The following KCNU1 variants were observed in gnomAD, a reference collection of about 807,000 sequenced individuals.
KCNU1 encodes potassium calcium-activated channel subfamily U member 1.
KCNU1 carries 93 observed loss-of-function variants against 126.8 expected under a neutral mutation model. The observed-to-expected ratio is 0.73, with a 90% CI of 0.62 to 0.87. The LOEUF is 0.87. KCNU1 is among the 40% of genes least tolerant of loss of function. The pLI is 0.00. For missense variants in KCNU1, 1,330 were observed against 1,367.1 expected (o/e 0.97, Z 0.43); for synonymous variants, 523 against 494.2 (o/e 1.06, Z -0.77).
chr8:36,884,879 G>T (rs1249289569), intron 19 of KCNU1, among the ~76,000 whole-genome samples: 2 of 152,170 alleles, frequency 1.3e-5, no homozygotes, highest in African/African-American at 4.8e-5. Flanking sequence ...TTTAACTCTG[G>T]CTTGTAAAGA....
intron 7 of KCNU1, among the ~76,000 whole-genome samples, chr8:36,811,622 G>C (rs1803715496): frequency 6.6e-6 from 1 of 152,128 alleles, no homozygotes; most frequent in South Asian, 2.1e-4. Context: ...TCAAGAATGG[G>C]GAAGCCATGG....
intron 18 of KCNU1, among the ~76,000 whole-genome samples, chr8:36,854,288 T>C (rs1463879835): frequency 6.6e-6 from 1 of 152,148 alleles, no homozygotes; most frequent in Non-Finnish European, 1.5e-5. Context: ...TTATTGGCCA[T>C]TATTTCTCAA....
chr8:36,793,793 C>T (rs532328945), intron 2 of KCNU1, among the ~76,000 whole-genome samples: 2 of 152,204 alleles, frequency 1.3e-5, no homozygotes, highest in East Asian at 1.9e-4. Context: ...TAGTGGCTCA[C>T]GCCTGTAATC....
intron 19 of KCNU1, among the ~76,000 whole-genome samples, chr8:36,885,945 G>T (rs1323843458): frequency 6.6e-6 from 1 of 152,184 alleles, no homozygotes; most frequent in African/African-American, 2.4e-5. Context: ...AAGAAGAAAG[G>T]AGAAACATGG....
Position 36,870,576 on chromosome 8 carries a change from G to T in KCNU1, c.2009+6055G>T, listed in dbSNP as rs118140371. Reference sequence around the variant, plus strand: ...GTCCACCTAGTGGGGGCAGAAGATCGGATACAAATCACCGTACATGGCTCT... The same window carrying T: ...GTCCACCTAGTGGGGGCAGAAGATCTGATACAAATCACCGTACATGGCTCT... On this transcript the variant is annotated intron_variant, in intron 19 of 26. Transcript: ENST00000399881. Among the ~76,000 whole-genome samples, 207 of 152,202 alleles carry T rather than the reference G, an allele frequency of 1.4e-3. 4 individuals are homozygous for T. In the East Asian group the frequency reaches 0.038, roughly 28 times the overall value.
At chr8:36,826,831 C>A (rs999119760) in intron 10 of KCNU1, among the ~76,000 whole-genome samples, 4 of 152,086 alleles carry the variant, frequency 2.6e-5, no homozygotes, top group African/African-American at 9.7e-5. Flanking sequence ...CAGGTATTAA[C>A]CCCAGTACCC....
chr8:36,792,581 C>T (rs1004378180), intron 2 of KCNU1, among the ~76,000 whole-genome samples: 1 of 152,130 alleles, frequency 6.6e-6, no homozygotes, highest in Non-Finnish European at 1.5e-5. Context: ...TTTCCTTTCC[C>T]CCACTACCAT....
chr8:36,909,535 T>G lies in KCNU1; in HGVS notation c.2331T>G (p.Pro777=), dbSNP rs1807781811. The change falls in exon 21 of 27, where the codon CCT becomes CCG. Residue 777 remains proline, a splice_region_variant and synonymous_variant. Coordinates refer to ENST00000399881, the MANE Select transcript of KCNU1 (RefSeq NM_001031836.3). ...LWNFPQIYIL[P]GCALYSGDLH... ...ATTTTCCCCAGATATACATTCTGCC[T>G]GTAAGTATCATATAAGGAAAAGTTA... 1.3e-6 allele frequency: 2 copies of G among 1,516,132 alleles called. No individual in the cohort carries two copies. The highest frequency in any genetic ancestry group is 9.2e-7 in the Non-Finnish European group (1 of 1,091,544). The allele number at this position is 1,516,132 out of a possible 1,614,324, so 93.9% of individuals were successfully genotyped here. A position where few individuals can be genotyped will look rare whatever the true frequency, so the allele number is the denominator to read the frequency against.
At position 36,850,684 on chromosome 8, in the gene KCNU1, T is replaced by C. The variant is rs145000156; in HGVS notation, c.1891+4785T>C. Reference sequence around the variant, plus strand: ...ATTTCTCAGTCTGTTCTCGAGCTCCTAGGCTTAAGTGAGCCACCTGCCTCA... The same window carrying C: ...ATTTCTCAGTCTGTTCTCGAGCTCCCAGGCTTAAGTGAGCCACCTGCCTCA... On this transcript the variant is annotated intron_variant, in intron 18 of 26. Transcript: ENST00000399881. Among the ~76,000 whole-genome samples the C allele has an allele frequency of 4.4e-3, 672 of 152,314 alleles. 7 individuals carry two copies. The highest frequency in any genetic ancestry group is 0.015 in the African/African-American group (634 of 41,566).
intron 10 of KCNU1, among the ~76,000 whole-genome samples, chr8:36,831,572 T>C (rs1254104458): frequency 9.3e-5 from 14 of 150,456 alleles, no homozygotes; most frequent in African/African-American, 3.4e-4. Flanking sequence ...GAGAAGTGTC[T>C]GTTCATGTCC....
chr8:36,897,268 C>T (rs1190085459), intron 19 of KCNU1, among the ~76,000 whole-genome samples: 1 of 151,936 alleles, frequency 6.6e-6, no homozygotes, highest in Non-Finnish European at 1.5e-5. Context: ...CTCTCTCTCC[C>T]TCTATTGTAG....
chr8:36,932,081 C>A (rs1047429061), intron 25 of KCNU1, among the ~76,000 whole-genome samples: 1 of 152,096 alleles, frequency 6.6e-6, no homozygotes, highest in Admixed American at 6.6e-5. Context: ...CCAGGTAGAA[C>A]AGTATACCTG....
At chr8:36,924,627 C>G (rs1279410982) in intron 24 of KCNU1, among the ~76,000 whole-genome samples, 2 of 152,156 alleles carry the variant, frequency 1.3e-5, no homozygotes, top group East Asian at 3.9e-4. Context: ...TAGAGGAAGT[C>G]AAGTCAGGTT....
At chr8:36,929,028 C>A (rs1270189233) in intron 24 of KCNU1, 1 of 699,128 alleles carries the variant, frequency 1.4e-6, no homozygotes, top group Non-Finnish European at 2.6e-6. Context: ...CTTAATCCTG[C>A]AAGCAATGCT....
At chr8:36,784,954 A>G (rs2009969) in intron 1 of KCNU1, among the ~76,000 whole-genome samples, 41,325 of 152,212 alleles carry the variant, frequency 0.27, 6,961 homozygotes, top group African/African-American at 0.45. Context: ...GTGCTAGGTC[A>G]TAGAAAGGAG....
chr8:36,858,176 CAAAAAAAAAA>C (rs67265944), intron 18 of KCNU1, among the ~76,000 whole-genome samples: 1 of 73,036 alleles, frequency 1.4e-5, no homozygotes, highest in Non-Finnish European at 2.4e-5. Flanking sequence ...TCAAGGATGG[CAAAAAAAAAA>C]AAAAAAAAAA....
chr8:36,805,408 G>A (rs1563265474), intron 4 of KCNU1, 123 bp downstream of exon 4: 13 of 637,302 alleles, frequency 2.0e-5, no homozygotes, highest in Non-Finnish European at 3.1e-5. Context: ...GCTAATCTGT[G>A]CCCTAACTTG....
rs767203333 is a variant in KCNU1, at chr8:36,935,812, T to C, written c.3342T>C (p.Ser1114=). 2.5e-5 allele frequency: 41 copies of C among 1,612,946 alleles called. No homozygotes were observed. Among genetic ancestry groups the C allele is most frequent in the Non-Finnish European group, 3.5e-5 (41 of 1,179,300 alleles). Residue 1114 remains serine, a synonymous_variant, in exon 27 of 27, where the codon AGT becomes AGC. Transcript: ENST00000399881. ...CATGGAATCAGAGTAGAACAAACAG[T>C]ATTATATCATCTCAGATACCTTTAG... ...QIAWNQSRTN[S]IISSQIPLGD...
intron 1 of KCNU1, among the ~76,000 whole-genome samples, chr8:36,786,029 G>A (rs1320956550): frequency 6.6e-6 from 1 of 151,220 alleles, no homozygotes; most frequent in East Asian, 1.9e-4. Flanking sequence ...ATCAAGTTGA[G>A]TTACTTTTCA....
Sources: allele counts gnomAD v4.1 joint callset (sites outside exome capture counted in the v4.1 genomes callset), GRCh38; gene constraint gnomAD v4.1.1; transcripts MANE v1.5; gene names NCBI Gene and HGNC (gene_info 2026-07-23, HGNC 2026-07-21).